Variants in NOTCH2 observed in about 807,000 individuals in gnomAD.
NOTCH2 encodes neurogenic locus notch homolog protein 2.
In NOTCH2, 29 loss-of-function variants were observed where a neutral mutation model predicts 235.8. The observed-to-expected ratio is 0.12, with a 90% CI of 0.09 to 0.17. The LOEUF (loss-of-function observed/expected upper bound fraction) is 0.17, where lower values mean the gene tolerates loss of function less well. NOTCH2 is among the 10% of genes least tolerant of loss of function. The pLI is 1.00. For missense variants in NOTCH2, 2,285 were observed against 3,150.2 expected (o/e 0.73, Z 6.57); for synonymous variants, 1,086 against 1,141.5 (o/e 0.95, Z 0.98).
chr1:119,956,411 G>A (rs1349270537), intron 12 of NOTCH2, among the ~76,000 whole-genome samples: 1 of 152,106 alleles, frequency 6.6e-6, no homozygotes, highest in Non-Finnish European at 1.5e-5. Flanking sequence ...TTTAGAATAG[G>A]ACATTCCAAA....
At chr1:119,916,716 G>A (rs1291008367) in intron 33 of NOTCH2, 22 bp from the exon 34 acceptor site, 2 of 1,612,500 alleles carry the variant, frequency 1.2e-6, no homozygotes, top group East Asian at 2.2e-5. Flanking sequence ...GCCCATCACA[G>A]AACACATGTT....
intron 31 of NOTCH2, 96 bp downstream of exon 31, chr1:119,919,216 T>A: frequency 7.6e-7 from 1 of 1,314,158 alleles, no homozygotes; most frequent in Non-Finnish European, 1.1e-6. Context: ...CTCAAATGAT[T>A]GAATAAATTC....
chr1:120,004,590 G>C (rs1329295995), intron 3 of NOTCH2, among the ~76,000 whole-genome samples: 5 of 149,216 alleles, frequency 3.4e-5, no homozygotes, highest in African/African-American at 7.4e-5. Flanking sequence ...AACATTTAAT[G>C]GATAAGAACA....
intron 5 of NOTCH2, among the ~76,000 whole-genome samples, chr1:119,985,381 T>G (rs1553202113): frequency 6.6e-6 from 1 of 152,186 alleles, no homozygotes. Context: ...TTATAAAGAC[T>G]TCTAGCGAAA....
intron 14 of NOTCH2, among the ~76,000 whole-genome samples, chr1:119,952,523 A>T (rs1358417524): frequency 6.6e-6 from 1 of 152,224 alleles, no homozygotes; most frequent in Middle Eastern, 3.2e-3. Flanking sequence ...CTAGATTCTT[A>T]TAAGGAGCGC....
At chr1:119,984,237 C>A (rs1553201977) in intron 5 of NOTCH2, among the ~76,000 whole-genome samples, 1 of 151,958 alleles carries the variant, frequency 6.6e-6, no homozygotes, top group Non-Finnish European at 1.5e-5. Context: ...AAAAAACACC[C>A]CAAGTTCTTA....
rs782309717 is a variant in NOTCH2 at position 119,940,594 on chromosome 1, G to A, written c.3144C>T (p.Arg1048=). ...GTCVDGLGTY[R]CSCPLGYTGK... ...CAGTGTAGCCCAGGGGGCAGCTGCA[G>A]CGGTAGGTACCCAGGCCATCAACAC... The change falls in exon 19 of 34, where the codon CGC becomes CGT. Residue 1048 remains arginine (R), a synonymous_variant. Transcript: ENST00000256646. The A allele has an allele frequency of 5.6e-6, 9 of 1,613,998 alleles. 1 individual carries two copies. Among genetic ancestry groups the A allele is most frequent in the Middle Eastern group, 1.7e-4 (1 of 6,042 alleles).
intron 17 of NOTCH2, among the ~76,000 whole-genome samples, chr1:119,942,482 C>T (rs1226351024): frequency 6.6e-6 from 1 of 152,102 alleles, no homozygotes; most frequent in Non-Finnish European, 1.5e-5. Context: ...GGTAATGTGA[C>T]CTTTATTTTA....
In NOTCH2 at chr1:119,915,305, C is replaced by A; in HGVS notation, c.*1G>T. 6.2e-7 allele frequency: 1 copy of A among 1,612,878 alleles called. No homozygotes were observed. The highest frequency in any genetic ancestry group is 1.1e-5 in the South Asian group (1 of 91,026). ...TGTCTCTACACTGGAGGTGGACTCT[C>A]TCACGCATAAACCTGCATGTTGTTG... On this transcript the variant is annotated 3_prime_UTR_variant, in exon 34 of 34. Transcript: ENST00000256646.
chr1:119,976,930 C>T (rs587721081), intron 5 of NOTCH2, among the ~76,000 whole-genome samples: 1 of 152,214 alleles, frequency 6.6e-6, no homozygotes, highest in African/African-American at 2.4e-5. Flanking sequence ...ACCTTACTTG[C>T]TTGTCACTAA....
At chr1:119,951,132 T>C (rs957447222) in intron 14 of NOTCH2, among the ~76,000 whole-genome samples, 5 of 152,136 alleles carry the variant, frequency 3.3e-5, no homozygotes, top group Non-Finnish European at 7.4e-5. Flanking sequence ...GTTCAAAAGC[T>C]TGTTGCAGGA....
chr1:119,970,746 A>G (rs1553200290), intron 5 of NOTCH2, among the ~76,000 whole-genome samples: 1 of 152,238 alleles, frequency 6.6e-6, no homozygotes, highest in African/African-American at 2.4e-5. Flanking sequence ...CTATAAAATA[A>G]AGTGGTGATT....
chr1:119,949,530 G>A (rs1650387250), intron 15 of NOTCH2, among the ~76,000 whole-genome samples: 1 of 151,836 alleles, frequency 6.6e-6, no homozygotes, highest in Admixed American at 6.6e-5. Context: ...GGGACTACAG[G>A]CACCCACCAC....
intron 5 of NOTCH2, among the ~76,000 whole-genome samples, chr1:119,985,556 C>T (rs190925483): frequency 2.6e-5 from 4 of 152,236 alleles, no homozygotes; most frequent in Admixed American, 6.5e-5. Context: ...GTTTAATCTT[C>T]ACTGGCATCA....
chr1:119,968,181 C>G lies in NOTCH2; in HGVS notation c.1160G>C (p.Gly387Ala). 1 of 1,613,986 alleles carries G rather than the reference C, an allele frequency of 6.2e-7. No individual in the cohort carries two copies. The highest frequency in any genetic ancestry group is 8.5e-7 in the Non-Finnish European group (1 of 1,179,938). ...TAGGGGGTTGGTGTCACACAGTGCC[C>G]CCTTGTGGCAAGGATTGCTGATGCA... is the stretch of plus-strand genomic sequence containing the variant. ...DACISNPCHKGALCDTNPLNG... is the reference protein window; with the variant it reads ...DACISNPCHKAALCDTNPLNG... The change falls in exon 7 of 34, where the codon GGG (glycine) becomes GCG (alanine). Residue 387 changes from glycine to alanine, a missense_variant. This residue lies in a region of NOTCH2 where 431 missense variants were observed against 757.8 expected (regional missense o/e 0.57). Coordinates refer to ENST00000256646, the MANE Select transcript of NOTCH2 (RefSeq NM_024408.4).
chr1:120,067,762 C>A (rs1341454586), intron 1 of NOTCH2, among the ~76,000 whole-genome samples: 4 of 152,192 alleles, frequency 2.6e-5, no homozygotes, highest in Non-Finnish European at 5.9e-5. Context: ...TTATTAAATG[C>A]TTCAGAAACA....
intron 17 of NOTCH2, among the ~76,000 whole-genome samples, chr1:119,945,742 G>A (rs1650230642): frequency 6.6e-6 from 1 of 151,942 alleles, no homozygotes; most frequent in Non-Finnish European, 1.5e-5. Context: ...AATTACTAGA[G>A]AAACAGATGA....
chr1:119,985,940 A>G (rs2101182303), intron 5 of NOTCH2, among the ~76,000 whole-genome samples: 1 of 152,340 alleles, frequency 6.6e-6, no homozygotes. Flanking sequence ...AATTAAAAGC[A>G]GAAATGTTTG....
intron 19 of NOTCH2, among the ~76,000 whole-genome samples, chr1:119,939,881 T>C (rs1289321991): frequency 6.6e-6 from 1 of 151,672 alleles, no homozygotes; most frequent in Admixed American, 6.6e-5. Context: ...TCAAGTTAAG[T>C]TTGGCCATTT....
Sources: allele counts gnomAD v4.1 joint callset (sites outside exome capture counted in the v4.1 genomes callset), GRCh38; gene constraint gnomAD v4.1.1; regional missense constraint gnomAD v4.1.1; transcripts MANE v1.5; gene names NCBI Gene and HGNC (gene_info 2026-07-23, HGNC 2026-07-21).